The following COL13A1 variants were observed in gnomAD, a reference collection of about 807,000 sequenced individuals.
COL13A1 encodes the protein collagen alpha-1(XIII) chain.
COL13A1 carries 89 observed loss-of-function variants against 130.9 expected under a neutral mutation model. That is an observed-to-expected ratio of 0.68 (90% CI 0.57 to 0.81). The LOEUF is 0.81. Ranked by LOEUF, COL13A1 falls within the 30% of genes least tolerant of loss-of-function variation. The pLI, the probability that COL13A1 is intolerant of heterozygous loss-of-function variation, is 0.00. For synonymous variants in COL13A1, 402 were observed against 341.6 expected, an observed-to-expected ratio of 1.18 and a Z score of -1.95; for missense variants, 879 against 934.6, an observed-to-expected ratio of 0.94 and a Z score of 0.78.
At chr10:69,922,869 C>G (rs764339530) in intron 23 of COL13A1, 75 bp downstream of exon 23, 60 of 1,013,218 alleles carry the variant, frequency 5.9e-5, no homozygotes, top group Non-Finnish European at 8.1e-5. Context: ...CTCGGGGACT[C>G]TACGTCCCGG....
chr10:69,946,342 G>T (rs934850507), intron 37 of COL13A1, among the ~76,000 whole-genome samples: 1 of 152,174 alleles, frequency 6.6e-6, no homozygotes, highest in Non-Finnish European at 1.5e-5. Context: ...CCTCAGAAGG[G>T]GCAGAATCAA....
intron 6 of COL13A1, among the ~76,000 whole-genome samples, chr10:69,879,915 G>A (rs2059959512): frequency 6.6e-6 from 1 of 152,170 alleles, no homozygotes; most frequent in African/African-American, 2.4e-5. Context: ...CAGGGTCAGG[G>A]ATGCTGAGTT....
intron 40 of COL13A1, 113 bp from the exon 41 acceptor site, chr10:69,958,586 G>T (rs1202824135): frequency 6.5e-7 from 1 of 1,546,066 alleles, no homozygotes; most frequent in Non-Finnish European, 8.9e-7. Flanking sequence ...CAGTTCTCCT[G>T]TCCAGAACTC....
At chr10:69,842,923 C>T (rs187674891) in intron 2 of COL13A1, among the ~76,000 whole-genome samples, 1 of 151,870 alleles carries the variant, frequency 6.6e-6, no homozygotes, top group African/African-American at 2.4e-5. Context: ...TACATGCCTC[C>T]GGTCTACACT....
At chr10:69,958,544 A>C (rs2071247526) in intron 40 of COL13A1, among the ~76,000 whole-genome samples, 155 bp from the exon 41 acceptor site, 1 of 152,214 alleles carries the variant, frequency 6.6e-6, no homozygotes, top group Non-Finnish European at 1.5e-5. Context: ...GGTCGCCACC[A>C]GTTTCTTTCA....
chr10:69,905,028 C>T, intron 16 of COL13A1, 69 bp downstream of exon 16: 2 of 1,517,732 alleles, frequency 1.3e-6, no homozygotes, highest in Non-Finnish European at 1.8e-6. Context: ...GGGGAGGCAG[C>T]ACAGAAGGTG....
intron 1 of COL13A1, among the ~76,000 whole-genome samples, chr10:69,821,190 A>G (rs1296397600): frequency 6.6e-6 from 1 of 152,256 alleles, no homozygotes; most frequent in Non-Finnish European, 1.5e-5. Context: ...AGAAATTACA[A>G]ATGCAGATTT....
At chr10:69,806,181 A>G (rs1173533681) in intron 1 of COL13A1, among the ~76,000 whole-genome samples, 1 of 152,194 alleles carries the variant, frequency 6.6e-6, no homozygotes, top group Non-Finnish European at 1.5e-5. Flanking sequence ...GGGGCAGGCA[A>G]TCTTTGCAGC....
intron 1 of COL13A1, among the ~76,000 whole-genome samples, chr10:69,815,626 C>T (rs902043867): frequency 1.3e-5 from 2 of 152,172 alleles, no homozygotes; most frequent in African/African-American, 4.8e-5. Flanking sequence ...AGATGGCACA[C>T]ATCCATCTGA....
chr10:69,901,133 G>T (rs916069436), intron 14 of COL13A1, among the ~76,000 whole-genome samples: 10 of 152,186 alleles, frequency 6.6e-5, no homozygotes, highest in Non-Finnish European at 1.5e-4. Context: ...AGCCTTTCTT[G>T]GTTCAGAAGA....
chr10:69,848,158 G>T (rs930859222), intron 2 of COL13A1, among the ~76,000 whole-genome samples: 1 of 152,156 alleles, frequency 6.6e-6, no homozygotes, highest in Non-Finnish European at 1.5e-5. Flanking sequence ...GAGGGGTCAG[G>T]ACAATTGCAG....
chr10:69,809,245 C>T (rs1589144910), intron 1 of COL13A1, among the ~76,000 whole-genome samples: 1 of 152,226 alleles, frequency 6.6e-6, no homozygotes, highest in Non-Finnish European at 1.5e-5. Flanking sequence ...TAAATGAAAT[C>T]ATTTGGCTAA....
chr10:69,882,717 T>C (rs978756846), intron 7 of COL13A1, among the ~76,000 whole-genome samples: 1 of 152,234 alleles, frequency 6.6e-6, no homozygotes, highest in Non-Finnish European at 1.5e-5. Context: ...TGATATTTAC[T>C]TCAGGAGAAA....
intron 2 of COL13A1, among the ~76,000 whole-genome samples, chr10:69,851,268 A>T (rs1235665897): frequency 6.6e-6 from 1 of 152,228 alleles, no homozygotes; most frequent in Non-Finnish European, 1.5e-5. Flanking sequence ...GAAGTGAGAG[A>T]ATCAGGGAAA....
intron 1 of COL13A1, among the ~76,000 whole-genome samples, chr10:69,808,107 C>T (rs550807938): frequency 3.0e-4 from 46 of 152,320 alleles, no homozygotes; most frequent in Admixed American, 1.2e-3. Context: ...AGCTCTGCCG[C>T]TTCTCCAAAG....
At chr10:69,890,477 T>C (rs555975486) in intron 10 of COL13A1, among the ~76,000 whole-genome samples, 10 of 152,378 alleles carry the variant, frequency 6.6e-5, no homozygotes, top group Admixed American at 5.2e-4. Context: ...CAGGAATTTG[T>C]GCAGGGTGGT....
At chr10:69,902,955 A>G (rs2062356643) in intron 15 of COL13A1, 100 bp downstream of exon 15, 1 of 906,728 alleles carries the variant, frequency 1.1e-6, no homozygotes, top group Non-Finnish European at 1.6e-6. Context: ...AAAAGCAGAA[A>G]TGCCTTGGCA....
At chr10:69,895,973 C>CGT (rs1487923896) in intron 13 of COL13A1, among the ~76,000 whole-genome samples, 1 of 152,056 alleles carries the variant, frequency 6.6e-6, no homozygotes, top group African/African-American at 2.4e-5. Flanking sequence ...CATGTGTGTG[C>CGT]GTGTGTGTGG....
chr10:69,953,360 T>C (rs1357166900), intron 39 of COL13A1, among the ~76,000 whole-genome samples: 1 of 152,212 alleles, frequency 6.6e-6, no homozygotes, highest in Non-Finnish European at 1.5e-5. Flanking sequence ...TGTGGGCCAG[T>C]AGTTCAAGCT....
Sources: gnomAD v4.1 joint callset for allele counts (sites outside exome capture counted in the v4.1 genomes callset) on GRCh38, gnomAD v4.1.1 for gene constraint, MANE v1.5 for transcripts, NCBI Gene and HGNC (gene_info 2026-07-23, HGNC 2026-07-21) for gene names.